TRIM16: variants seen among roughly 807,000 people sequenced by gnomAD.
TRIM16 encodes tripartite motif-containing protein 16.
Under a neutral mutation model 50.4 loss-of-function variants are expected in TRIM16, and 33 were observed. The observed-to-expected ratio is 0.65, with a 90% CI of 0.50 to 0.88. The LOEUF is 0.88. TRIM16 is among the 40% of genes least tolerant of loss of function. TRIM16 has a pLI of 0.00. For synonymous variants in TRIM16, 229 were observed against 270.7 expected, an observed-to-expected ratio of 0.85 and a Z score of 1.51; for missense variants, 581 against 686.8, an observed-to-expected ratio of 0.85 and a Z score of 1.72.
chr17:15,663,937 A>G (rs1441586819), intron 6 of TRIM16, among the ~76,000 whole-genome samples: 2 of 152,224 alleles, frequency 1.3e-5, no homozygotes, highest in Non-Finnish European at 2.9e-5. Context: ...GTGTTTGACT[A>G]AAACCACACG....
chr17:15,634,416 G>C (rs1157762048), intron 9 of TRIM16, among the ~76,000 whole-genome samples: 1 of 148,262 alleles, frequency 6.7e-6, no homozygotes, highest in East Asian at 2.0e-4. Flanking sequence ...GATCACCTAA[G>C]GTTGGGAGTT....
intron 6 of TRIM16, among the ~76,000 whole-genome samples, chr17:15,655,979 G>T (rs920613496): frequency 6.6e-6 from 1 of 152,144 alleles, no homozygotes; most frequent in African/African-American, 2.4e-5. Context: ...GAATTATGTT[G>T]CGGTGGGGTC....
Position 15,681,080 on chromosome 17 carries a change from C to G in TRIM16, c.-678-127G>C, listed in dbSNP as rs917701883. The stretch of plus-strand genomic sequence containing the variant: ...GCTGTCCATAGCTTGAAGGATTTTA[C>G]AGACATCTATGTAATGAGACTTCAA... On this transcript the variant is annotated intron_variant, in intron 3 of 11. Coordinates refer to ENST00000649191, the MANE Select transcript of TRIM16 (RefSeq NM_001348119.1). The G allele has an allele frequency of 4.9e-6, 4 of 824,576 alleles. No individual in the cohort carries two copies. In the Admixed American group the frequency reaches 1.3e-4, roughly 27 times the overall value. The allele number at this position is 824,576 out of a possible 1,614,324, so 51.1% of individuals were successfully genotyped here.
intron 6 of TRIM16, among the ~76,000 whole-genome samples, chr17:15,671,835 G>C (rs1988743375): frequency 6.6e-6 from 1 of 152,152 alleles, no homozygotes; most frequent in South Asian, 2.1e-4. Flanking sequence ...GGTATTCAGA[G>C]GAGGAGATTA....
At chr17:15,669,489 A>G (rs1381394576) in intron 6 of TRIM16, among the ~76,000 whole-genome samples, 2 of 152,366 alleles carry the variant, frequency 1.3e-5, no homozygotes, top group South Asian at 4.1e-4. Context: ...GCACAAGCAA[A>G]GAATCTAAAA....
At chr17:15,678,875 CTCCTT>C (rs201760667) in intron 4 of TRIM16, among the ~76,000 whole-genome samples, 63,000 of 134,842 alleles carry the variant, frequency 0.47, 13,839 homozygotes, top group South Asian at 0.57. Context: ...AATGCAGACT[CTCCTT>C]TTTTTTTTTT....
intron 10 of TRIM16, 115 bp downstream of exon 10, chr17:15,632,394 A>T: frequency 7.0e-7 from 1 of 1,434,976 alleles, no homozygotes; most frequent in Admixed American, 2.3e-5. Flanking sequence ...GAAAAAAAAA[A>T]GAAAATGAAA....
chr17:15,630,031 T>C (rs112553928), intron 11 of TRIM16, among the ~76,000 whole-genome samples: 3 of 152,092 alleles, frequency 2.0e-5, no homozygotes, highest in South Asian at 2.1e-4. Context: ...TTTCATGGTG[T>C]CCCTTGCTCT....
In TRIM16 at chr17:15,636,285, G is replaced by A. The variant is rs764340430; in HGVS notation, c.616-16C>T. On this transcript the variant is annotated splice_polypyrimidine_tract_variant and intron_variant, in intron 8 of 11. Transcript: ENST00000649191. ...ACACCGACACCTGGCAGGGGGTGGG[G>A]GTGGAAGGCAGCCAAACATTTCTTA... 27 of 1,607,214 alleles carry A rather than the reference G, an allele frequency of 1.7e-5. 3 individuals carry two copies. In the African/African-American group the frequency reaches 2.0e-4, roughly 12 times the overall value.
rs560327520 is a variant in TRIM16, at chr17:15,643,043, C to T, written c.520-227G>A. Reference sequence around the variant, plus strand: ...GCGAAAATACAGTGAGCACGGATGCCGTGCTGCTCACCATTTCAAGCATTT... The same window carrying T: ...GCGAAAATACAGTGAGCACGGATGCTGTGCTGCTCACCATTTCAAGCATTT... On this transcript the variant is annotated intron_variant, in intron 7 of 11. Coordinates refer to ENST00000649191, the MANE Select transcript of TRIM16 (RefSeq NM_001348119.1). The T allele has an allele frequency of 8.3e-5, 66 of 790,548 alleles. 2 individuals are homozygous for T. The East Asian group carries it at 2.4e-3, about 28-fold the overall frequency. The allele number at this position is 790,548 out of a possible 1,614,324, so 49.0% of individuals were successfully genotyped here. A position where few individuals can be genotyped will look rare whatever the true frequency, so the allele number is the denominator to read the frequency against.
At chr17:15,648,757 C>A (rs1037069868) in intron 7 of TRIM16, among the ~76,000 whole-genome samples, 17 of 152,206 alleles carry the variant, frequency 1.1e-4, no homozygotes, top group Non-Finnish European at 2.2e-4. Flanking sequence ...GGGCTCCCTG[C>A]AAGAAACCTT....
At chr17:15,643,705 C>T (rs1233383864) in intron 7 of TRIM16, among the ~76,000 whole-genome samples, 1 of 151,976 alleles carries the variant, frequency 6.6e-6, no homozygotes, top group Non-Finnish European at 1.5e-5. Context: ...CTTTTGTCAA[C>T]ATAGGTAAAC....
At chr17:15,636,315 G>A (rs778826639) in intron 8 of TRIM16, 46 bp from the exon 9 acceptor site, 5 of 1,589,714 alleles carry the variant, frequency 3.1e-6, no homozygotes, top group Non-Finnish European at 4.3e-6. Flanking sequence ...TTCTTAGTGA[G>A]GCATCCAACT....
At chr17:15,659,720 T>TG (rs1185348898) in intron 6 of TRIM16, among the ~76,000 whole-genome samples, 11 of 152,226 alleles carry the variant, frequency 7.2e-5, no homozygotes, top group African/African-American at 2.4e-4. Context: ...GGACAGGAGA[T>TG]GGTTTCCCAG....
At chr17:15,630,811 G>A (rs1165643397) in intron 11 of TRIM16, among the ~76,000 whole-genome samples, 1 of 150,186 alleles carries the variant, frequency 6.7e-6, no homozygotes, top group African/African-American at 2.5e-5. Context: ...CAGAGACCCT[G>A]TCTCAAAAAA....
intron 7 of TRIM16, among the ~76,000 whole-genome samples, chr17:15,645,621 TA>T (rs1479524728): frequency 1.1e-4 from 16 of 152,172 alleles, no homozygotes; most frequent in Non-Finnish European, 2.1e-4. Flanking sequence ...TGTCTGCATT[TA>T]AAGCTGCGAG....
At chr17:15,681,259 G>C (rs1989170810) in intron 3 of TRIM16, 1 of 206,074 alleles carries the variant, frequency 4.9e-6, no homozygotes, top group African/African-American at 2.3e-5. Flanking sequence ...TACAGTTGGA[G>C]AGGTGCTTAA....
Position 15,629,195 on chromosome 17 carries a change from G to C in TRIM16, c.1115C>G (p.Ala372Gly), listed in dbSNP as rs59221772. The C allele has an allele frequency of 6.3e-7, 1 of 1,598,238 alleles. No individual in the cohort carries two copies. Among genetic ancestry groups the C allele is most frequent in the Admixed American group, 1.7e-5 (1 of 59,132 alleles). Residue 372 changes from alanine to glycine, a missense_variant, in exon 12 of 12, where the codon GCG becomes GGG. By Grantham distance (60) the Ala-to-Gly change is moderately conservative. Coordinates refer to ENST00000649191, the MANE Select transcript of TRIM16 (RefSeq NM_001348119.1). ...GTCCGGGTCAAACGTGATGTCATAC[G>C]CATCTGAGGAGACACAGAAGGCAGG... ...PSTREQFLQY[A>G]YDITFDPDTA...
intron 6 of TRIM16, among the ~76,000 whole-genome samples, chr17:15,668,304 A>G (rs184253310): frequency 1.5e-4 from 23 of 152,294 alleles, no homozygotes; most frequent in African/African-American, 5.3e-4. Context: ...TCACTGCCTG[A>G]AAATAGTTGT....
Sources: gnomAD v4.1 joint callset for allele counts (sites outside exome capture counted in the v4.1 genomes callset) on GRCh38, gnomAD v4.1.1 for gene constraint, MANE v1.5 for transcripts, NCBI Gene and HGNC (gene_info 2026-07-23, HGNC 2026-07-21) for gene names.